Variants in TRAPPC9 observed in about 807,000 individuals in gnomAD.
TRAPPC9 encodes the protein IKK2 binding protein.
In TRAPPC9, 83 loss-of-function variants were observed where a neutral mutation model predicts 124.0. The observed-to-expected ratio is 0.67, with a 90% CI of 0.56 to 0.80. The LOEUF is 0.80. Ranked by LOEUF, TRAPPC9 falls within the 30% of genes least tolerant of loss-of-function variation. The probability of loss-of-function intolerance (pLI) is 0.00; values close to 1 mark genes in which losing one functional copy is unlikely to be tolerated. For missense variants in TRAPPC9, 1,302 were observed against 1,508.3 expected, an observed-to-expected ratio of 0.86 and a Z score of 2.27; for synonymous variants, 638 against 617.5, an observed-to-expected ratio of 1.03 and a Z score of -0.49.
intron 18 of TRAPPC9, among the ~76,000 whole-genome samples, chr8:140,009,361 C>A (rs557216329): frequency 2.2e-4 from 34 of 152,240 alleles, no homozygotes; most frequent in African/African-American, 8.2e-4. Context: ...GTACAGTCAG[C>A]AAGGATCAGG....
chr8:139,998,195 A>G (rs529328911), intron 18 of TRAPPC9, among the ~76,000 whole-genome samples: 149 of 152,406 alleles, frequency 9.8e-4, no homozygotes, highest in African/African-American at 3.4e-3. Flanking sequence ...ATGTCAACTC[A>G]GAAGTCCATA....
At chr8:139,936,093 C>A (rs1289638236) in intron 19 of TRAPPC9, among the ~76,000 whole-genome samples, 2 of 152,264 alleles carry the variant, frequency 1.3e-5, no homozygotes, top group African/African-American at 4.8e-5. Context: ...CTGCTCCACG[C>A]CTGTTGGCCT....
At chr8:140,043,671 CA>C (rs1220619880) in intron 17 of TRAPPC9, among the ~76,000 whole-genome samples, 1 of 152,192 alleles carries the variant, frequency 6.6e-6, no homozygotes, top group Admixed American at 6.5e-5. Flanking sequence ...ATCGCTGGGC[CA>C]ACACCAGTGT....
At chr8:140,450,718 T>C in intron 2 of TRAPPC9, 72 bp downstream of exon 2, 1 of 1,200,464 alleles carries the variant, frequency 8.3e-7, no homozygotes, top group Non-Finnish European at 1.2e-6. Flanking sequence ...CTTGCTGCAA[T>C]GAAATTCTGC....
intron 17 of TRAPPC9, among the ~76,000 whole-genome samples, chr8:140,051,626 A>G (rs1355871895): frequency 6.8e-6 from 1 of 146,664 alleles, no homozygotes; most frequent in African/African-American, 2.6e-5. Context: ...AGCAAATAGC[A>G]AATACAAAGC....
In TRAPPC9 at chr8:139,728,082, A is replaced by C. The variant is rs1043809858; in HGVS notation, c.*2979T>G. On this transcript the variant is annotated 3_prime_UTR_variant, in exon 23 of 23. Coordinates refer to ENST00000438773, the MANE Select transcript of TRAPPC9 (RefSeq NM_001160372.4). ...ACTGATATGAAAGTGTCCATGAAAT[A>C]AGTATTTTTATCTCTATTTATTCAG... Among the ~76,000 whole-genome samples the C allele has an allele frequency of 6.6e-6, 1 of 152,214 alleles. No homozygotes were observed. The highest frequency in any genetic ancestry group is 2.4e-5 in the African/African-American group (1 of 41,440).
At chr8:139,882,494 C>A (rs1373463808) in intron 21 of TRAPPC9, among the ~76,000 whole-genome samples, 5 of 152,202 alleles carry the variant, frequency 3.3e-5, no homozygotes, top group Admixed American at 1.3e-4. Flanking sequence ...TGTCCCCCTA[C>A]CTGTTCCCCC....
chr8:140,405,813 A>G, intron 5 of TRAPPC9, 115 bp from the exon 6 acceptor site: 14 of 1,215,018 alleles, frequency 1.2e-5, no homozygotes, highest in Non-Finnish European at 1.7e-5. Context: ...AATTTAAATA[A>G]TGTAAGTGTT....
intron 9 of TRAPPC9, among the ~76,000 whole-genome samples, chr8:140,358,609 C>G (rs553548030): frequency 6.6e-6 from 1 of 152,354 alleles, no homozygotes; most frequent in East Asian, 1.9e-4. Flanking sequence ...CAGGGGAAAG[C>G]AGTGGGTGGA....
intron 3 of TRAPPC9, among the ~76,000 whole-genome samples, chr8:140,437,064 A>T (rs2070838971): frequency 1.3e-5 from 2 of 152,120 alleles, no homozygotes; most frequent in Non-Finnish European, 2.9e-5. Context: ...CCTGAGCCCA[A>T]GCGATCCTCC....
intron 18 of TRAPPC9, among the ~76,000 whole-genome samples, chr8:140,002,073 C>T (rs917049962): frequency 6.6e-6 from 1 of 151,732 alleles, no homozygotes; most frequent in Non-Finnish European, 1.5e-5. Flanking sequence ...AAACACTTCT[C>T]AGAACATTTT....
At chr8:140,046,400 G>C (rs893082094) in intron 17 of TRAPPC9, among the ~76,000 whole-genome samples, 9 of 152,272 alleles carry the variant, frequency 5.9e-5, no homozygotes, top group African/African-American at 2.2e-4. Flanking sequence ...AGGGCGGGCA[G>C]GCCAAGGGGC....
intron 19 of TRAPPC9, among the ~76,000 whole-genome samples, chr8:139,961,676 G>A (rs2131562945): frequency 8.1e-6 from 1 of 123,580 alleles, no homozygotes; most frequent in African/African-American, 2.5e-5. Flanking sequence ...CCTCATCCCT[G>A]CAGGCTCAGG....
intron 17 of TRAPPC9, among the ~76,000 whole-genome samples, chr8:140,075,729 T>C (rs1843469574): frequency 6.6e-6 from 1 of 152,224 alleles, no homozygotes; most frequent in Admixed American, 6.5e-5. Flanking sequence ...TGCCAAGTGT[T>C]CGGATGCCCT....
chr8:139,785,558 A>ACG (rs948792265), intron 21 of TRAPPC9, among the ~76,000 whole-genome samples: 1 of 151,374 alleles, frequency 6.6e-6, no homozygotes, highest in Non-Finnish European at 1.5e-5. Flanking sequence ...ACACACACAC[A>ACG]CACACACACA....
At chr8:140,318,589 T>C (rs2066501907) in intron 9 of TRAPPC9, among the ~76,000 whole-genome samples, 1 of 152,248 alleles carries the variant, frequency 6.6e-6, no homozygotes, top group South Asian at 2.1e-4. Flanking sequence ...ATGAGTTCAA[T>C]TGTTTTGAAT....
intron 21 of TRAPPC9, among the ~76,000 whole-genome samples, chr8:139,836,912 C>A (rs780918563): frequency 6.6e-6 from 1 of 151,832 alleles, no homozygotes; most frequent in Admixed American, 6.6e-5. Flanking sequence ...TTGATGTGAA[C>A]GGCTCCTTCT....
chr8:140,311,252 C>A lies in TRAPPC9; in HGVS notation c.1618G>T (p.Val540Phe). The A allele has an allele frequency of 1.2e-6, 2 of 1,611,020 alleles. No homozygotes were observed. Among genetic ancestry groups the A allele is most frequent in the Non-Finnish European group, 1.7e-6 (2 of 1,179,944 alleles). The change falls in exon 10 of 23, where the codon GTC becomes TTC. Residue 540 changes from valine to phenylalanine, a missense_variant. Transcript: ENST00000438773. ...PPVPFTKLPIVRHVKLLNLPA... is the reference protein window; with the variant it reads ...PPVPFTKLPIFRHVKLLNLPA... ...GCTCTGCAGTGCCCATCTCACCTGA[C>A]GATGGGAAGCTTGGTGAAGGGCACC...
At chr8:139,939,880 T>C (rs1203750101) in intron 19 of TRAPPC9, among the ~76,000 whole-genome samples, 2 of 152,188 alleles carry the variant, frequency 1.3e-5, no homozygotes, top group Non-Finnish European at 2.9e-5. Context: ...GCAGGTCTCA[T>C]CTGCGGGAAA....
Sources: gnomAD v4.1 joint callset for allele counts (sites outside exome capture counted in the v4.1 genomes callset) on GRCh38, gnomAD v4.1.1 for gene constraint, MANE v1.5 for transcripts, NCBI Gene and HGNC (gene_info 2026-07-23, HGNC 2026-07-21) for gene names.